Variants in STRN observed in about 807,000 individuals in gnomAD.
STRN encodes striatin.
In STRN, 53 loss-of-function variants were observed where a neutral mutation model predicts 96.3. The observed-to-expected ratio is 0.55, with a 90% CI of 0.44 to 0.69. STRN has a LOEUF of 0.69. Among genes scored for constraint, STRN ranks in the 30% least tolerant of loss-of-function variants. The pLI, the probability that STRN is intolerant of heterozygous loss-of-function variation, is 0.00. For synonymous variants in STRN, 428 were observed against 355.9 expected (o/e 1.20, Z -2.28); for missense variants, 987 against 963.9 (o/e 1.02, Z -0.32).
At chr2:36,894,063 A>G in intron 6 of STRN, 30 bp from the exon 7 acceptor site, 2 of 1,599,184 alleles carry the variant, frequency 1.3e-6, no homozygotes, top group Non-Finnish European at 1.7e-6. Context: ...AATTAAATAA[A>G]GGAGATAGTT....
rs1188539079 is a variant in STRN, at chr2:36,886,802, G to A, written c.956C>T (p.Pro319Leu). 3 of 1,612,904 alleles carry A rather than the reference G, an allele frequency of 1.9e-6. No homozygotes were observed. Among genetic ancestry groups the A allele is most frequent in the East Asian group, 4.5e-5 (2 of 44,802 alleles). The change falls in exon 8 of 18, where the codon CCT (proline) becomes CTT (leucine). Residue 319 changes from proline (P) to leucine (L), a missense_variant. Transcript: ENST00000263918. The part of the protein sequence containing the change: ...DWEKEDQCLM[P>L]EAWNVDQGVI... ...TCCCTGGTCCACATTCCAGGCTTCAGGCATGAGACACTGGTCTTCCTTTTC... is the reference window on the plus strand; with the variant it reads ...TCCCTGGTCCACATTCCAGGCTTCAAGCATGAGACACTGGTCTTCCTTTTC...
At chr2:36,937,871 A>G (rs1670746340) in intron 1 of STRN, among the ~76,000 whole-genome samples, 1 of 152,150 alleles carries the variant, frequency 6.6e-6, no homozygotes, top group Admixed American at 6.6e-5. Context: ...GGAGGAAGAA[A>G]AAGTGTATTC....
intron 1 of STRN, among the ~76,000 whole-genome samples, chr2:36,942,267 G>A (rs1260933675): frequency 6.6e-6 from 1 of 152,070 alleles, no homozygotes; most frequent in Non-Finnish European, 1.5e-5. Context: ...AATCAAGGAT[G>A]GCAGATGAGA....
Position 36,893,992 on chromosome 2 carries a change from T to G in STRN, c.837A>C (p.Arg279=). 6.2e-7 allele frequency: 1 copy of G among 1,613,616 alleles called. No homozygotes were observed. Among genetic ancestry groups the G allele is most frequent in the Non-Finnish European group, 8.5e-7 (1 of 1,179,856 alleles). ...KKALPDSGED[R]DTKEALKEFD... ...ACTCCTTTAGAGCTTCTTTTGTATCTCGATCTTCACCGCTGTCAGGCAATG... is the reference window on the plus strand; with the variant it reads ...ACTCCTTTAGAGCTTCTTTTGTATCGCGATCTTCACCGCTGTCAGGCAATG... The change falls in exon 7 of 18, where the codon CGA becomes CGC. Residue 279 remains arginine, a synonymous_variant. Transcript: ENST00000263918.
chr2:36,965,360 TATC>T (rs1421217797), intron 1 of STRN, among the ~76,000 whole-genome samples: 1 of 152,226 alleles, frequency 6.6e-6, no homozygotes, highest in East Asian at 1.9e-4. Context: ...GCTTGTAAAG[TATC>T]AGCCTCACTT....
intron 2 of STRN, among the ~76,000 whole-genome samples, chr2:36,920,174 T>C (rs1670213746): frequency 6.6e-6 from 1 of 152,210 alleles, no homozygotes; most frequent in African/African-American, 2.4e-5. Flanking sequence ...GGGCTGTATA[T>C]AAAAGACATT....
At chr2:36,869,983 A>G (rs1042972037) in intron 10 of STRN, among the ~76,000 whole-genome samples, 1 of 152,216 alleles carries the variant, frequency 6.6e-6, no homozygotes, top group Non-Finnish European at 1.5e-5. Flanking sequence ...AAAGTGAATC[A>G]AATTATATAA....
intron 7 of STRN, among the ~76,000 whole-genome samples, chr2:36,890,736 G>A (rs924692161): frequency 3.9e-5 from 6 of 152,018 alleles, no homozygotes; most frequent in African/African-American, 7.2e-5. Context: ...CACCCGCCTC[G>A]GCCTCCCAAA....
intron 3 of STRN, among the ~76,000 whole-genome samples, chr2:36,913,306 A>G (rs1005806743): frequency 2.0e-5 from 3 of 152,246 alleles, no homozygotes; most frequent in South Asian, 2.1e-4. Flanking sequence ...CTAACTCTCT[A>G]TCTACATCTG....
intron 9 of STRN, among the ~76,000 whole-genome samples, chr2:36,879,073 TG>T (rs762367555): frequency 9.3e-5 from 14 of 149,942 alleles, no homozygotes; most frequent in Non-Finnish European, 1.3e-4. Flanking sequence ...TTTGTTTATT[TG>T]TTTTTTTTGT....
chr2:36,912,942 G>A (rs1282740176), intron 3 of STRN, among the ~76,000 whole-genome samples: 1 of 152,094 alleles, frequency 6.6e-6, no homozygotes, highest in East Asian at 1.9e-4. Context: ...TGCTTGCCTT[G>A]GCAGCACATA....
chr2:36,888,083 T>A (rs992168049), intron 7 of STRN, among the ~76,000 whole-genome samples: 1 of 152,114 alleles, frequency 6.6e-6, no homozygotes, highest in Admixed American at 6.5e-5. Context: ...ATACGTGCAC[T>A]TTTTCAGAGC....
chr2:36,950,862 G>A (rs1265023946), intron 1 of STRN, among the ~76,000 whole-genome samples: 1 of 152,088 alleles, frequency 6.6e-6, no homozygotes, highest in Non-Finnish European at 1.5e-5. Context: ...ATTTTTTGAG[G>A]GGAAGCAGGC....
intron 1 of STRN, among the ~76,000 whole-genome samples, chr2:36,930,738 G>A (rs1181555427): frequency 1.3e-5 from 2 of 151,870 alleles, no homozygotes; most frequent in Non-Finnish European, 2.9e-5. Context: ...GCAAGGAAAA[G>A]AACAGTCCCA....
chr2:36,857,064 G>A (rs1334062165), intron 14 of STRN, among the ~76,000 whole-genome samples: 20 of 150,416 alleles, frequency 1.3e-4, no homozygotes, highest in African/African-American at 4.4e-4. Flanking sequence ...CTTTATAGTG[G>A]TACGAGAATG....
At chr2:36,888,972 C>A (rs974703661) in intron 7 of STRN, among the ~76,000 whole-genome samples, 3 of 152,196 alleles carry the variant, frequency 2.0e-5, no homozygotes, top group Admixed American at 2.0e-4. Flanking sequence ...GCATGAGCCA[C>A]TGCACCCAGC....
intron 2 of STRN, among the ~76,000 whole-genome samples, chr2:36,924,718 A>C (rs1380090277): frequency 6.6e-6 from 1 of 152,232 alleles, no homozygotes; most frequent in Non-Finnish European, 1.5e-5. Flanking sequence ...TGAACATTTA[A>C]ATTTATTTTA....
At chr2:36,884,206 A>T in intron 8 of STRN, 131 bp from the exon 9 acceptor site, 1 of 820,230 alleles carries the variant, frequency 1.2e-6, no homozygotes, top group Non-Finnish European at 1.7e-6. Flanking sequence ...CTACTAGATT[A>T]ATAAGAATTA....
At chr2:36,877,552 T>A (rs1044022905) in intron 10 of STRN, among the ~76,000 whole-genome samples, 2 of 152,268 alleles carry the variant, frequency 1.3e-5, no homozygotes, top group African/African-American at 4.8e-5. Flanking sequence ...TTTTACTTTT[T>A]TGAGACGGAG....
Sources: gnomAD v4.1 joint callset for allele counts (sites outside exome capture counted in the v4.1 genomes callset) on GRCh38, gnomAD v4.1.1 for gene constraint, MANE v1.5 for transcripts, NCBI Gene and HGNC (gene_info 2026-07-23, HGNC 2026-07-21) for gene names.